The following NKAIN2 variants were observed in gnomAD, a reference collection of about 807,000 sequenced individuals.
NKAIN2 encodes the protein sodium/potassium transporting ATPase interacting 2.
Under a neutral mutation model 32.6 loss-of-function variants are expected in NKAIN2, and 14 were observed. The ratio of observed to expected loss-of-function variants is 0.43; its 90% CI spans 0.28 to 0.67. The LOEUF (loss-of-function observed/expected upper bound fraction) is 0.67. Among genes scored for constraint, NKAIN2 ranks in the 30% least tolerant of loss-of-function variants. NKAIN2 has a pLI of 0.17. For synonymous variants in NKAIN2, 80 were observed against 87.2 expected, an observed-to-expected ratio of 0.92 and a Z score of 0.46; for missense variants, 198 against 258.3, an observed-to-expected ratio of 0.77 and a Z score of 1.60.
At chr6:124,310,086 G>A (rs1049012684) in intron 2 of NKAIN2, among the ~76,000 whole-genome samples, 3 of 152,116 alleles carry the variant, frequency 2.0e-5, no homozygotes, top group South Asian at 2.1e-4. Context: ...TAGATGTCCC[G>A]AAATGTTTAT....
chr6:124,060,274 G>T (rs564635487), intron 1 of NKAIN2, among the ~76,000 whole-genome samples: 1 of 152,092 alleles, frequency 6.6e-6, no homozygotes, highest in Non-Finnish European at 1.5e-5. Context: ...TGGCATTTTC[G>T]TAGGTGCTTG....
chr6:124,572,192 T>G (rs541809379), intron 3 of NKAIN2, among the ~76,000 whole-genome samples: 1 of 152,336 alleles, frequency 6.6e-6, no homozygotes, highest in South Asian at 2.1e-4. Context: ...ATTTAGGCTC[T>G]TAACTTATTG....
chr6:124,210,543 C>T (rs972366521), intron 1 of NKAIN2, among the ~76,000 whole-genome samples: 2 of 151,710 alleles, frequency 1.3e-5, no homozygotes, highest in Non-Finnish European at 3.0e-5. Context: ...AAAATATTGG[C>T]TCTTTTAACC....
intron 1 of NKAIN2, among the ~76,000 whole-genome samples, chr6:124,260,516 G>A (rs561023738): frequency 4.1e-4 from 63 of 152,296 alleles, no homozygotes; most frequent in Admixed American, 2.0e-3. Flanking sequence ...AAAGCGCTGA[G>A]GCAGGAGAAT....
At chr6:124,751,431 C>T (rs1352164949) in intron 4 of NKAIN2, among the ~76,000 whole-genome samples, 1 of 151,798 alleles carries the variant, frequency 6.6e-6, no homozygotes, top group Non-Finnish European at 1.5e-5. Flanking sequence ...GTTTAGTCAA[C>T]CAGAGGGGAA....
At chr6:124,278,650 C>CATTATATATATAT (rs1317788062) in intron 1 of NKAIN2, among the ~76,000 whole-genome samples, 1 of 68,986 alleles carries the variant, frequency 1.4e-5, no homozygotes, top group African/African-American at 4.6e-5. Context: ...ATACATAGCT[C>CATTATATATATAT]ATATATATAT....
chr6:124,362,533 C>T (rs1422342250), intron 3 of NKAIN2, among the ~76,000 whole-genome samples: 2 of 152,062 alleles, frequency 1.3e-5, no homozygotes, highest in Non-Finnish European at 2.9e-5. Context: ...CTTTCTTATT[C>T]TCTGTCTCCA....
intron 4 of NKAIN2, among the ~76,000 whole-genome samples, chr6:124,700,426 C>T (rs1774719413): frequency 6.6e-6 from 1 of 152,132 alleles, no homozygotes; most frequent in African/African-American, 2.4e-5. Context: ...AGGTTCATAA[C>T]AACTGAGAAG....
At chr6:124,141,693 C>T (rs1186373199) in intron 1 of NKAIN2, among the ~76,000 whole-genome samples, 1 of 152,036 alleles carries the variant, frequency 6.6e-6, no homozygotes, top group East Asian at 1.9e-4. Flanking sequence ...AATCTTCTCT[C>T]ATTGCTGGCT....
intron 3 of NKAIN2, among the ~76,000 whole-genome samples, chr6:124,453,322 A>AACACAC (rs766482280): frequency 0.036 from 2,305 of 63,816 alleles, 114 homozygotes; most frequent in African/African-American, 0.079. Flanking sequence ...CATGCATATA[A>AACACAC]ACACACACAC....
intron 3 of NKAIN2, among the ~76,000 whole-genome samples, chr6:124,489,579 C>A (rs1195487125): frequency 6.6e-6 from 1 of 151,854 alleles, no homozygotes; most frequent in Non-Finnish European, 1.5e-5. Flanking sequence ...AATCATCTAA[C>A]AGAAACCTAT....
At chr6:124,024,204 G>A (rs1409182590) in intron 1 of NKAIN2, among the ~76,000 whole-genome samples, 1 of 152,030 alleles carries the variant, frequency 6.6e-6, no homozygotes, top group South Asian at 2.1e-4. Context: ...ATTTGTTTCA[G>A]ACAGATTATA....
chr6:124,499,475 C>G (rs1778198976), intron 3 of NKAIN2, among the ~76,000 whole-genome samples: 1 of 152,064 alleles, frequency 6.6e-6, no homozygotes, highest in Non-Finnish European at 1.5e-5. Context: ...TATGATTGCT[C>G]TTGTTTTTCT....
chr6:124,607,444 A>G (rs1309931375), intron 3 of NKAIN2, among the ~76,000 whole-genome samples: 1 of 152,090 alleles, frequency 6.6e-6, no homozygotes, highest in Admixed American at 6.6e-5. Context: ...TTATTTGGGC[A>G]TGATACAATG....
chr6:124,760,920 A>T (rs1286181687), intron 4 of NKAIN2, among the ~76,000 whole-genome samples: 1 of 152,128 alleles, frequency 6.6e-6, no homozygotes, highest in Admixed American at 6.6e-5. Flanking sequence ...TCATTATTGT[A>T]TCCAACTACA....
intron 3 of NKAIN2, among the ~76,000 whole-genome samples, chr6:124,456,330 A>G (rs1165455412): frequency 6.6e-6 from 1 of 151,834 alleles, no homozygotes; most frequent in Non-Finnish European, 1.5e-5. Flanking sequence ...AAAACGACAT[A>G]CCTAACTATA....
At chr6:123,888,582 C>A (rs540731784) in intron 1 of NKAIN2, among the ~76,000 whole-genome samples, 42 of 152,120 alleles carry the variant, frequency 2.8e-4, no homozygotes, top group African/African-American at 9.9e-4. Context: ...TGAATATTGT[C>A]ATTCTACAAA....
At chr6:124,081,442 A>G (rs1041038950) in intron 1 of NKAIN2, among the ~76,000 whole-genome samples, 1 of 152,104 alleles carries the variant, frequency 6.6e-6, no homozygotes, top group Non-Finnish European at 1.5e-5. Context: ...TCATTTTTAC[A>G]TAACATATTC....
chr6:124,578,341 T>G (rs998127636), intron 3 of NKAIN2, among the ~76,000 whole-genome samples: 4 of 151,678 alleles, frequency 2.6e-5, no homozygotes, highest in Non-Finnish European at 4.4e-5. Flanking sequence ...AGCATCCTAC[T>G]GTCCTGAAGG....
Sources: allele counts gnomAD v4.1 joint callset (sites outside exome capture counted in the v4.1 genomes callset), GRCh38; gene constraint gnomAD v4.1.1; transcripts MANE v1.5; gene names NCBI Gene and HGNC (gene_info 2026-07-23, HGNC 2026-07-21).